KLF12: variants seen among roughly 807,000 people sequenced by gnomAD.
KLF12 encodes KLF transcription factor 12, also known as Krueppel-like factor 12.
In KLF12, 9 loss-of-function variants were observed where a neutral mutation model predicts 37.8. That is an observed-to-expected ratio of 0.24 (90% CI 0.14 to 0.42). KLF12 has a LOEUF of 0.42. Among genes scored for constraint, KLF12 ranks in the 10% least tolerant of loss-of-function variants. The probability of loss-of-function intolerance (pLI) is 1.00; values close to 1 mark genes in which losing one functional copy is unlikely to be tolerated. For synonymous variants in KLF12, 208 were observed against 202.1 expected (o/e 1.03, Z -0.25); for missense variants, 411 against 516.0 (o/e 0.80, Z 1.97).
the KLF12 span, among the ~76,000 whole-genome samples, chr13:74,286,565 T>A: frequency 6.6e-6 from 1 of 152,214 alleles, no homozygotes; most frequent in Non-Finnish European, 1.5e-5. Flanking sequence ...GCAGTCTTTT[T>A]TTAAAAGTAG....
At chr13:73,712,453 A>C (rs1875479364) in intron 7 of KLF12, among the ~76,000 whole-genome samples, 1 of 152,086 alleles carries the variant, frequency 6.6e-6, no homozygotes, top group Admixed American at 6.6e-5. Context: ...GATGCGCAAA[A>C]AAAGTGATTC....
chr13:73,796,129 G>A (rs1881948436), intron 5 of KLF12, among the ~76,000 whole-genome samples: 1 of 152,074 alleles, frequency 6.6e-6, no homozygotes, highest in Non-Finnish European at 1.5e-5. Flanking sequence ...ATTATTGGAG[G>A]AACTGTCTAA....
At chr13:74,181,597 G>A in the KLF12 span, among the ~76,000 whole-genome samples, 16 of 151,486 alleles carry the variant, frequency 1.1e-4, no homozygotes, top group Admixed American at 1.1e-3. Flanking sequence ...TACTTGGGAG[G>A]CTGAGGCAGG....
chr13:74,237,174 C>T, the KLF12 span, among the ~76,000 whole-genome samples: 3 of 123,160 alleles, frequency 2.4e-5, no homozygotes, highest in Admixed American at 7.8e-5. Context: ...AGCCAGTTTT[C>T]CCAGCACCAT....
chr13:74,112,840 G>T (rs1877061672), intron 1 of KLF12, among the ~76,000 whole-genome samples: 1 of 152,186 alleles, frequency 6.6e-6, no homozygotes, highest in Non-Finnish European at 1.5e-5. Flanking sequence ...AATGAGGGAG[G>T]CAGGATGAAA....
At chr13:73,939,173 T>A (rs1243185047) in intron 3 of KLF12, among the ~76,000 whole-genome samples, 2 of 152,174 alleles carry the variant, frequency 1.3e-5, no homozygotes, top group Non-Finnish European at 2.9e-5. Flanking sequence ...GGTCAGCTCC[T>A]TCCCCGCGGC....
At chr13:73,911,114 C>A (rs1888548188) in intron 3 of KLF12, among the ~76,000 whole-genome samples, 1 of 151,838 alleles carries the variant, frequency 6.6e-6, no homozygotes, top group African/African-American at 2.4e-5. Flanking sequence ...AAATTTTTAC[C>A]ATGAAAAAAG....
chr13:73,947,263 T>A (rs1357171488), intron 2 of KLF12, among the ~76,000 whole-genome samples: 2 of 152,244 alleles, frequency 1.3e-5, no homozygotes, highest in Non-Finnish European at 2.9e-5. Context: ...TTTGAATTAA[T>A]GAAAAATCAT....
At chr13:74,014,885 T>G (rs946310711) in intron 1 of KLF12, among the ~76,000 whole-genome samples, 6 of 152,170 alleles carry the variant, frequency 3.9e-5, no homozygotes, top group Non-Finnish European at 8.8e-5. Flanking sequence ...TTTAACACAA[T>G]GTTTTTCTAA....
At chr13:73,739,505 T>G (rs1257159681) in intron 6 of KLF12, among the ~76,000 whole-genome samples, 1 of 152,130 alleles carries the variant, frequency 6.6e-6, no homozygotes, top group African/African-American at 2.4e-5. Flanking sequence ...TCATGTAAGA[T>G]GTAGAAGTGA....
rs1036400588 is a variant in KLF12, at chr13:74,085,689, C to T, written c.-32+48050G>A. Among the ~76,000 whole-genome samples, 9 of 152,262 alleles carry T rather than the reference C, an allele frequency of 5.9e-5. No individual in the cohort carries two copies. The South Asian group carries it at 6.2e-4, about 11-fold the overall frequency. ...CCAGCGGGTTTCTAACTTTAAAGCT[C>T]GCCACAATCAACGGACAACTTGATT... is the stretch of plus-strand genomic sequence containing the variant. On this transcript the variant is annotated intron_variant, in intron 1 of 7. Transcript: ENST00000377669.
intron 7 of KLF12, among the ~76,000 whole-genome samples, chr13:73,709,089 C>A (rs1875170114): frequency 6.6e-6 from 1 of 152,192 alleles, no homozygotes; most frequent in Non-Finnish European, 1.5e-5. Flanking sequence ...ATTATCTAAA[C>A]TGTACACTCA....
At chr13:74,230,135 C>T in the KLF12 span, among the ~76,000 whole-genome samples, 9 of 152,054 alleles carry the variant, frequency 5.9e-5, no homozygotes, top group Non-Finnish European at 1.0e-4. Flanking sequence ...GGGACCTGGT[C>T]GGAGGTAATT....
chr13:74,015,696 T>C (rs1397766451), intron 1 of KLF12, among the ~76,000 whole-genome samples: 2 of 152,222 alleles, frequency 1.3e-5, no homozygotes, highest in African/African-American at 4.8e-5. Flanking sequence ...TAAAACACTA[T>C]TACCCAACCT....
Position 73,899,635 on chromosome 13 carries a change from A to G in KLF12, c.123+44346T>C, listed in dbSNP as rs146725652. Reference sequence around the variant, plus strand: ...GAGAAGGAAGATCCGCACTTATCCAATGTAGGCAGGCACCATCCAATCAGC... The same window carrying G: ...GAGAAGGAAGATCCGCACTTATCCAGTGTAGGCAGGCACCATCCAATCAGC... On this transcript the variant is annotated intron_variant, in intron 3 of 7. Transcript: ENST00000377669. 7.2e-3 allele frequency among the ~76,000 whole-genome samples: 1,099 copies of G among 152,282 alleles called. 5 individuals are homozygous for G. The highest frequency in any genetic ancestry group is 0.011 in the Non-Finnish European group (763 of 68,026).
chr13:73,799,844 T>G (rs1051616539), intron 5 of KLF12, among the ~76,000 whole-genome samples: 13 of 152,152 alleles, frequency 8.5e-5, no homozygotes, highest in African/African-American at 2.9e-4. Context: ...CTGTGTCACT[T>G]GTAATAGTGC....
chr13:74,255,393 T>G, the KLF12 span, among the ~76,000 whole-genome samples: 64 of 152,344 alleles, frequency 4.2e-4, no homozygotes, highest in Non-Finnish European at 7.5e-4. Flanking sequence ...TGTATACTCA[T>G]TTGCTGAGGG....
chr13:74,154,240 A>AG, the KLF12 span, among the ~76,000 whole-genome samples: 1 of 151,896 alleles, frequency 6.6e-6, no homozygotes, highest in Non-Finnish European at 1.5e-5. Context: ...TCTCAAAAAA[A>AG]AAATACTATT....
chr13:73,932,595 T>C (rs946282293), intron 3 of KLF12, among the ~76,000 whole-genome samples: 9 of 152,176 alleles, frequency 5.9e-5, no homozygotes, highest in Admixed American at 2.6e-4. Context: ...GCTCAATCTA[T>C]TGATTTCAAA....
Sources: gnomAD v4.1 joint callset for allele counts (sites outside exome capture counted in the v4.1 genomes callset) on GRCh38, gnomAD v4.1.1 for gene constraint, MANE v1.5 for transcripts, NCBI Gene and HGNC (gene_info 2026-07-23, HGNC 2026-07-21) for gene names.